ASPG: variants seen among roughly 807,000 people sequenced by gnomAD.
ASPG encodes the protein 60 kDa lysophospholipase.
Under a neutral mutation model 63.2 loss-of-function variants are expected in ASPG, and 53 were observed. That is an observed-to-expected ratio of 0.84 (90% CI 0.67 to 1.05). The LOEUF is 1.05. Ranked by LOEUF, ASPG falls within the 50% of genes least tolerant of loss-of-function variation. ASPG has a pLI of 0.00. For missense variants in ASPG, 741 were observed against 794.4 expected, an observed-to-expected ratio of 0.93 and a Z score of 0.81; for synonymous variants, 370 against 355.0, an observed-to-expected ratio of 1.04 and a Z score of -0.48.
chr14:104,106,006 CTTGCT>C (rs2037110829), intron 10 of ASPG, among the ~76,000 whole-genome samples: 1 of 152,232 alleles, frequency 6.6e-6, no homozygotes, highest in Admixed American at 6.5e-5. Context: ...GCCAGACAGC[CTTGCT>C]CCCCACTGTG....
chr14:104,104,797 A>AG, intron 9 of ASPG, 62 bp downstream of exon 9: 1 of 1,402,434 alleles, frequency 7.1e-7, no homozygotes, highest in Non-Finnish European at 9.8e-7. Flanking sequence ...GTTGGCTCCC[A>AG]GGGGCATGTC....
chr14:104,109,873 C>A lies in ASPG; in HGVS notation c.1520+558C>A. The A allele has an allele frequency of 1.2e-6, 1 of 867,088 alleles. No individual in the cohort carries two copies. The highest frequency in any genetic ancestry group is 1.4e-6 in the Non-Finnish European group (1 of 722,210). The allele number at this position is 867,088 out of a possible 1,614,324, so 53.7% of individuals were successfully genotyped here. On this transcript the variant is annotated intron_variant, in intron 13 of 15. Coordinates refer to ENST00000551177, the MANE Select transcript of ASPG (RefSeq NM_001080464.3). The surrounding 1 kb of genome is among the most constrained non-coding windows in gnomAD (Gnocchi z 4.8). Reference sequence around the variant, plus strand: ...CAGTGTGCCTTCCGATCTCATGCTGCCGAGTGACCACCGAGGCAGGCTCAG... The same window carrying A: ...CAGTGTGCCTTCCGATCTCATGCTGACGAGTGACCACCGAGGCAGGCTCAG...
At chr14:104,103,513 C>G in intron 6 of ASPG, 50 bp from the exon 7 acceptor site, 1 of 1,493,140 alleles carries the variant, frequency 6.7e-7, no homozygotes, top group Non-Finnish European at 9.1e-7. Flanking sequence ...GCTGGGGTCT[C>G]GGCTGGCAGG....
Position 104,109,332 on chromosome 14 carries a change from C to G in ASPG, c.1520+17C>G. 6.3e-7 allele frequency: 1 copy of G among 1,593,992 alleles called. No individual in the cohort carries two copies. Among genetic ancestry groups the G allele is most frequent in the Non-Finnish European group, 8.6e-7 (1 of 1,169,308 alleles). ...GCTGTGCAGGTGAGTGCAGCTAGAG[C>G]ACCTGCTCTTCCAGGGATGTGGGGG... is the stretch of plus-strand genomic sequence containing the variant. On this transcript the variant is annotated intron_variant, in intron 13 of 15. Transcript: ENST00000551177. This position sits in a 1 kb window ranked among gnomAD's most constrained non-coding sequence, Gnocchi z 4.8.
At chr14:104,092,069 AC>A (rs1359928464) in intron 1 of ASPG, among the ~76,000 whole-genome samples, 1 of 151,938 alleles carries the variant, frequency 6.6e-6, no homozygotes, top group African/African-American at 2.4e-5. Flanking sequence ...CCTGGGCTGG[AC>A]CCTGAGGGAG....
intron 1 of ASPG, among the ~76,000 whole-genome samples, chr14:104,090,660 GC>G (rs1248327429): frequency 6.6e-6 from 1 of 152,224 alleles, no homozygotes; most frequent in Non-Finnish European, 1.5e-5. Context: ...GGGCCGCTCT[GC>G]CCTGTCGTCA....
intron 10 of ASPG, among the ~76,000 whole-genome samples, chr14:104,105,990 T>C (rs1312111687): frequency 6.6e-6 from 1 of 152,240 alleles, no homozygotes; most frequent in Admixed American, 6.5e-5. Flanking sequence ...ACATGGGGCC[T>C]GGCAGGCCAG....
At position 104,091,554 on chromosome 14, in the gene ASPG, G is replaced by A. The variant is rs1477979173; in HGVS notation, c.83-1079G>A. 1.3e-5 allele frequency among the ~76,000 whole-genome samples: 2 copies of A among 152,108 alleles called. No homozygotes were observed. The highest frequency in any genetic ancestry group is 6.5e-5 in the Admixed American group (1 of 15,280). ...GATCACGGGTGCCATAAACCTTCAC[G>A]GGGCCAAGGGCTGGTGTCCCGGGGC... On this transcript the variant is annotated intron_variant, in intron 1 of 15. Coordinates refer to ENST00000551177, the MANE Select transcript of ASPG (RefSeq NM_001080464.3). The surrounding 1 kb of genome is among the most constrained non-coding windows in gnomAD (Gnocchi z 6.4).
rs771658050 is a variant in ASPG at position 104,107,162 on chromosome 14, A to G, written c.1270-20A>G. On this transcript the variant is annotated intron_variant, in intron 11 of 15. Transcript: ENST00000551177. ...CGCCTGGGTCTCCCTCAGGGGTCGC[A>G]TGTCCTTGTGTTACTCCAGGGCAGT... is the stretch of plus-strand genomic sequence containing the variant. 3.3e-6 allele frequency: 5 copies of G among 1,536,900 alleles called. No individual in the cohort carries two copies. Among genetic ancestry groups the G allele is most frequent in the South Asian group, 1.3e-5 (1 of 79,388 alleles).
At chr14:104,086,027 C>T (rs1412837659) in intron 1 of ASPG, among the ~76,000 whole-genome samples, 175 bp downstream of exon 1, 2 of 152,166 alleles carry the variant, frequency 1.3e-5, no homozygotes, top group Admixed American at 6.5e-5. Context: ...GCATGGAGCC[C>T]CGACCTGGAC....
In ASPG at chr14:104,104,608, C is replaced by T. The variant is rs2037035345; in HGVS notation, c.937-14C>T. On this transcript the variant is annotated splice_polypyrimidine_tract_variant and intron_variant, in intron 8 of 15. Transcript: ENST00000551177. ...GTGAGTCGCCCTTCCTGCCCACACG[C>T]CCCCTCCTCACAGGCCATGGCGGGA... 3 of 1,599,416 alleles carry T rather than the reference C, an allele frequency of 1.9e-6. No individual in the cohort carries two copies. The highest frequency in any genetic ancestry group is 2.6e-6 in the Non-Finnish European group (3 of 1,171,748).
rs2036206674 is a variant in ASPG at position 104,085,837 on chromosome 14, C to A, written c.67C>A (p.Arg23=). The A allele has an allele frequency of 2.5e-6, 4 of 1,589,110 alleles. No homozygotes were observed. Among genetic ancestry groups the A allele is most frequent in the African/African-American group, 1.4e-5 (1 of 72,934 alleles). ...AVYTGGTIGM[R]SELGVLVPGT... The stretch of plus-strand genomic sequence containing the variant: ...CTACACCGGCGGCACCATTGGCATG[C>A]GGAGTGAGCTCGGCGGTGAGTCCGA... The change falls in exon 1 of 16, where the codon CGG becomes AGG. Residue 23 remains arginine (R), a synonymous_variant. Transcript: ENST00000551177.
At chr14:104,099,782 C>T (rs737393) in intron 6 of ASPG, among the ~76,000 whole-genome samples, 43,824 of 152,160 alleles carry the variant, frequency 0.29, 6,877 homozygotes, top group African/African-American at 0.39. Flanking sequence ...TCAAGGCAGC[C>T]CCAAACCTGC....
chr14:104,109,277 C>T lies in ASPG; in HGVS notation c.1482C>T (p.Ser494=), dbSNP rs1463312924. 1.2e-6 allele frequency: 2 copies of T among 1,613,012 alleles called. No homozygotes were observed. Among genetic ancestry groups the T allele is most frequent in the East Asian group, 2.2e-5 (1 of 44,850 alleles). ...TGCGGGAAGCCGGGGCCTCCCTGTC[C>T]ACCCAGGAGCTGGAGGAAGCAGGGA... ...GLLREAGASL[S]TQELEEAGTE... The change falls in exon 13 of 16, where the codon TCC becomes TCT. Residue 494 remains serine (S), a synonymous_variant. Coordinates refer to ENST00000551177, the MANE Select transcript of ASPG (RefSeq NM_001080464.3). The surrounding 1 kb of genome is among the most constrained non-coding windows in gnomAD (Gnocchi z 4.8).
At chr14:104,088,850 T>G (rs1404418914) in intron 1 of ASPG, among the ~76,000 whole-genome samples, 4 of 152,022 alleles carry the variant, frequency 2.6e-5, no homozygotes, top group Middle Eastern at 3.2e-3. Context: ...AGTTTCCAAG[T>G]CACCAGCAAA....
At chr14:104,106,971 C>A in intron 11 of ASPG, 77 bp downstream of exon 11, 1 of 1,430,608 alleles carries the variant, frequency 7.0e-7, no homozygotes, top group Non-Finnish European at 9.5e-7. Flanking sequence ...GGCAGGACGG[C>A]CTTTCATCCA....
intron 10 of ASPG, 108 bp from the exon 11 acceptor site, chr14:104,106,691 C>A: frequency 2.0e-6 from 2 of 991,258 alleles, no homozygotes; most frequent in Non-Finnish European, 3.0e-6. Flanking sequence ...CTGGGATCTG[C>A]GGGCCCTTGT....
In ASPG at chr14:104,107,645, A is replaced by G. The variant is rs749699433; in HGVS notation, c.1433+300A>G. 3.9e-5 allele frequency among the ~76,000 whole-genome samples: 6 copies of G among 152,288 alleles called. No individual in the cohort carries two copies. In the South Asian group the frequency reaches 1.2e-3, roughly 32 times the overall value. The stretch of plus-strand genomic sequence containing the variant: ...CCCAGCAGCCAGACGCGGTCAATAA[A>G]AAGCAGGCTACGTGGCAGCAGATCT... On this transcript the variant is annotated intron_variant, in intron 12 of 15. Transcript: ENST00000551177.
intron 4 of ASPG, among the ~76,000 whole-genome samples, chr14:104,096,615 G>A (rs568632904): frequency 9.2e-5 from 14 of 152,338 alleles, no homozygotes; most frequent in Admixed American, 7.2e-4. Context: ...AGAACATCCC[G>A]TGGACCTCTC....
Sources: gnomAD v4.1 joint callset for allele counts (sites outside exome capture counted in the v4.1 genomes callset) on GRCh38, gnomAD v4.1.1 for gene constraint, Gnocchi (gnomAD v3.1) non-coding constraint, MANE v1.5 for transcripts, NCBI Gene and HGNC (gene_info 2026-07-23, HGNC 2026-07-21) for gene names.